Variants in LAMA4 observed in about 807,000 individuals in gnomAD.
LAMA4 encodes laminin subunit alpha 4, also known as laminin subunit alpha-4.
In LAMA4, 127 loss-of-function variants were observed where a neutral mutation model predicts 207.1. The observed-to-expected ratio is 0.61, with a 90% CI of 0.53 to 0.71. The LOEUF is 0.71. LAMA4 is among the 30% of genes least tolerant of loss of function. LAMA4 has a pLI of 0.00. For synonymous variants in LAMA4, 761 were observed against 816.0 expected (o/e 0.93, Z 1.15); for missense variants, 2,093 against 2,246.5 (o/e 0.93, Z 1.38).
rs1328553797 is a variant in LAMA4, at chr6:112,187,453, G to T, written c.963C>A (p.Leu321=). 1.2e-6 allele frequency: 2 copies of T among 1,613,978 alleles called. No homozygotes were observed. The highest frequency in any genetic ancestry group is 1.7e-6 in the Non-Finnish European group (2 of 1,180,006). The change falls in exon 8 of 39, where the codon CTC becomes CTA. Residue 321 remains leucine (L), a synonymous_variant. Coordinates refer to ENST00000230538, the MANE Select transcript of LAMA4 (RefSeq NM_001105206.3). Reference sequence around the variant, plus strand: ...AAAGTAGAACATTCCTGCGTACTTTGAGGAGGTAGATGGTGGCGTTGATTT... The same window carrying T: ...AAAGTAGAACATTCCTGCGTACTTTTAGGAGGTAGATGGTGGCGTTGATTT... The part of the protein sequence containing the change: ...VNEINATIYL[L]KTKLSERENQ...
At chr6:112,188,794 A>G in intron 7 of LAMA4, 1 of 304,034 alleles carries the variant, frequency 3.3e-6, no homozygotes, top group Non-Finnish European at 6.3e-6. Context: ...GAGACGATAT[A>G]GGAAAAGGAG....
chr6:112,112,757 AAG>A (rs1777777942), intron 38 of LAMA4, among the ~76,000 whole-genome samples: 1 of 152,178 alleles, frequency 6.6e-6, no homozygotes, highest in Non-Finnish European at 1.5e-5. Context: ...TCAGACAAAG[AAG>A]AGTGCTTAGT....
chr6:112,249,441 CAAAAAAAAAAAAA>C (rs71762704), intron 2 of LAMA4, among the ~76,000 whole-genome samples: 3 of 52,758 alleles, frequency 5.7e-5, no homozygotes, highest in African/African-American at 2.1e-4. Flanking sequence ...GACTCTGTTT[CAAAAAAAAAAAAA>C]AAAAAAAAAA....
intron 2 of LAMA4, chr6:112,218,404 G>C (rs1318672577): frequency 6.6e-6 from 1 of 152,184 alleles, no homozygotes; most frequent in Non-Finnish European, 1.5e-5. Flanking sequence ...CTGATATTTG[G>C]CCAGGTTTGG....
At position 112,134,520 on chromosome 6, in the gene LAMA4, T is replaced by C; in HGVS notation, c.3504A>G (p.Ile1168Met). Reference sequence around the variant, plus strand: ...CTCCAATGTATATATCTGTAAAAGGTATTTTCATCTTTTCATTATCCATGC... The same window carrying C: ...CTCCAATGTATATATCTGTAAAAGGCATTTTCATCTTTTCATTATCCATGC... ...VKSMDNEKMK[I>M]PFTDIYIGGA... The change falls in exon 26 of 39, where the codon ATA (isoleucine) becomes ATG (methionine). Residue 1168 changes from isoleucine (I) to methionine (M), a missense_variant. By Grantham distance (10) the Ile-to-Met change is conservative. Around this residue, in one of 3 missense-constraint regions of LAMA4, gnomAD observed 1,704 missense variants for 1,788.4 expected, o/e 0.95. Transcript: ENST00000230538. 6.2e-7 allele frequency: 1 copy of C among 1,612,920 alleles called. No individual in the cohort carries two copies. The highest frequency in any genetic ancestry group is 8.5e-7 in the Non-Finnish European group (1 of 1,179,100).
At chr6:112,111,575 G>A (rs1554321595) in intron 38 of LAMA4, among the ~76,000 whole-genome samples, 1 of 152,100 alleles carries the variant, frequency 6.6e-6, no homozygotes, top group African/African-American at 2.4e-5. Flanking sequence ...TGATTTTAGT[G>A]GAATTAATCT....
chr6:112,231,941 G>A (rs1785592400), intron 2 of LAMA4, among the ~76,000 whole-genome samples: 1 of 152,132 alleles, frequency 6.6e-6, no homozygotes, highest in African/African-American at 2.4e-5. Context: ...TGTGTTTTAT[G>A]AGTCAAATTT....
intron 2 of LAMA4, among the ~76,000 whole-genome samples, chr6:112,239,321 C>CA (rs1202967086): frequency 0.16 from 12,113 of 77,898 alleles, 1,325 homozygotes; most frequent in African/African-American, 0.29. Context: ...GACTCCATCT[C>CA]AAAAAAAAAA....
intron 3 of LAMA4, among the ~76,000 whole-genome samples, chr6:112,214,369 C>T (rs1337436826): frequency 6.6e-6 from 1 of 152,078 alleles, no homozygotes. Context: ...CAGGTGTGAG[C>T]CACCATCCCT....
chr6:112,235,005 G>A (rs1482531276), intron 2 of LAMA4, among the ~76,000 whole-genome samples: 1 of 152,118 alleles, frequency 6.6e-6, no homozygotes, highest in East Asian at 1.9e-4. Context: ...CTTAAATACA[G>A]TATTATTCTC....
intron 5 of LAMA4, among the ~76,000 whole-genome samples, chr6:112,201,032 TG>T (rs1355029022): frequency 2.1e-5 from 3 of 145,888 alleles, no homozygotes; most frequent in South Asian, 2.2e-4. Flanking sequence ...AAAATATAAT[TG>T]AAAAAAAAAA....
intron 8 of LAMA4, chr6:112,186,852 TG>T (rs201148909): frequency 5.7e-5 from 26 of 453,982 alleles, no homozygotes; most frequent in Non-Finnish European, 8.0e-5. Context: ...TTACTGTTTT[TG>T]TTTTTTAATC....
intron 13 of LAMA4, among the ~76,000 whole-genome samples, chr6:112,162,819 G>A (rs1041194011): frequency 3.9e-5 from 6 of 152,120 alleles, no homozygotes; most frequent in Admixed American, 2.0e-4. Flanking sequence ...ATTCATTGGT[G>A]TGTAATTGTT....
At chr6:112,240,013 G>T (rs1786277682) in intron 2 of LAMA4, among the ~76,000 whole-genome samples, 1 of 151,752 alleles carries the variant, frequency 6.6e-6, no homozygotes, top group Non-Finnish European at 1.5e-5. Flanking sequence ...CCTAGGTCGC[G>T]CCACTGCACC....
At chr6:112,213,671 C>G in intron 3 of LAMA4, 1 of 203,592 alleles carries the variant, frequency 4.9e-6, no homozygotes, top group Non-Finnish European at 9.8e-6. Context: ...TTTGTATACT[C>G]TATATTTTGT....
chr6:112,240,548 C>T (rs782528739), intron 2 of LAMA4, among the ~76,000 whole-genome samples: 3 of 152,308 alleles, frequency 2.0e-5, no homozygotes, highest in Admixed American at 2.0e-4. Flanking sequence ...CACCAACCCC[C>T]TACTACCCTT....
In LAMA4 at chr6:112,157,037, CCCA is replaced by C. The variant is rs1562673100; in HGVS notation, c.1818-1334_1818-1332del. 3.3e-5 allele frequency among the ~76,000 whole-genome samples: 5 copies of C among 151,914 alleles called. No individual in the cohort carries two copies. The South Asian group carries it at 1.0e-3, about 32-fold the overall frequency. On this transcript the variant is annotated intron_variant, in intron 14 of 38. Coordinates refer to ENST00000230538, the MANE Select transcript of LAMA4 (RefSeq NM_001105206.3). ...TTTACTTTTTCTATGGAGAAAGGAA[CCCA>C]CCAAGGCAAAAGTGTCTAGGGCCTA... is the stretch of plus-strand genomic sequence containing the variant.
At chr6:112,226,929 TAC>T (rs537642376) in intron 2 of LAMA4, among the ~76,000 whole-genome samples, 117 of 152,196 alleles carry the variant, frequency 7.7e-4, no homozygotes, top group African/African-American at 2.6e-3. Flanking sequence ...TGTGTAGGGA[TAC>T]ACATATATAA....
chr6:112,145,732 GCA>G (rs1296960561), intron 18 of LAMA4, among the ~76,000 whole-genome samples: 3 of 152,142 alleles, frequency 2.0e-5, no homozygotes, highest in African/African-American at 4.8e-5. Context: ...AAAGCCCAAA[GCA>G]CAGTTTGTTT....
Sources: allele counts gnomAD v4.1 joint callset (sites outside exome capture counted in the v4.1 genomes callset), GRCh38; gene constraint gnomAD v4.1.1; regional missense constraint gnomAD v4.1.1; transcripts MANE v1.5; gene names NCBI Gene and HGNC (gene_info 2026-07-23, HGNC 2026-07-21).